SPEF2: variants seen among roughly 807,000 people sequenced by gnomAD.
SPEF2 encodes the protein sperm flagella and cilia-associated protein 2.
Under a neutral mutation model 224.6 loss-of-function variants are expected in SPEF2, and 187 were observed. That is an observed-to-expected ratio of 0.83 (90% confidence interval 0.74 to 0.94). The LOEUF is 0.94. Among genes scored for constraint, SPEF2 ranks in the 40% least tolerant of loss-of-function variants. The pLI, the probability that SPEF2 is intolerant of heterozygous loss-of-function variation, is 0.00. For missense variants in SPEF2, 2,170 were observed against 2,135.6 expected, an observed-to-expected ratio of 1.02 and a Z score of -0.32; for synonymous variants, 715 against 707.3, an observed-to-expected ratio of 1.01 and a Z score of -0.17.
At chr5:35,789,404 T>C in intron 30 of SPEF2, 1 of 701,306 alleles carries the variant, frequency 1.4e-6, no homozygotes. Flanking sequence ...CTGAGGTCTG[T>C]CAAACTAGAC....
chr5:35,750,999 A>ATATATATATACGTATATATATACG (rs1561304443), intron 23 of SPEF2, among the ~76,000 whole-genome samples: 1 of 43,926 alleles, frequency 2.3e-5, no homozygotes, highest in Admixed American at 2.7e-4. Context: ...ATATATATGT[A>ATATATATATACGTATATATATACG]TATATATATA....
intron 19 of SPEF2, chr5:35,710,895 G>A (rs1740978410): frequency 6.1e-6 from 6 of 984,780 alleles, no homozygotes; most frequent in Non-Finnish European, 7.2e-6. Context: ...GTCAAGGCTA[G>A]TGCCTGATAT....
chr5:35,620,171 C>G (rs997404805), intron 1 of SPEF2, among the ~76,000 whole-genome samples: 3 of 152,194 alleles, frequency 2.0e-5, no homozygotes, highest in Non-Finnish European at 2.9e-5. Flanking sequence ...TTTGTGCACT[C>G]AAGGAAGCAC....
intron 18 of SPEF2, among the ~76,000 whole-genome samples, chr5:35,707,561 A>G (rs927470832): frequency 2.6e-5 from 4 of 152,222 alleles, no homozygotes; most frequent in African/African-American, 9.7e-5. Context: ...GCAAGAACAT[A>G]GGCAATCGTC....
At chr5:35,690,950 TG>T in intron 10 of SPEF2, 86 bp from the exon 11 acceptor site, 1 of 1,030,664 alleles carries the variant, frequency 9.7e-7, no homozygotes, top group Non-Finnish European at 1.4e-6. Flanking sequence ...GGCTATAATT[TG>T]GATTTACTTT....
intron 29 of SPEF2, among the ~76,000 whole-genome samples, chr5:35,778,903 A>C (rs73086300): frequency 8.8e-4 from 134 of 152,316 alleles, no homozygotes; most frequent in African/African-American, 3.2e-3. Flanking sequence ...GTAGCTGTTT[A>C]ATAAGCATGC....
chr5:35,648,753 T>C (rs745747935), intron 5 of SPEF2, among the ~76,000 whole-genome samples: 1 of 152,186 alleles, frequency 6.6e-6, no homozygotes, highest in Non-Finnish European at 1.5e-5. Flanking sequence ...CAACCATTTT[T>C]AAAGAAATAT....
At chr5:35,627,890 G>T (rs1455803226) in intron 1 of SPEF2, among the ~76,000 whole-genome samples, 1 of 152,128 alleles carries the variant, frequency 6.6e-6, no homozygotes, top group Non-Finnish European at 1.5e-5. Context: ...CTATCTCTCA[G>T]TAATTGCATA....
At chr5:35,807,089 G>A (rs1307752539) in intron 35 of SPEF2, 42 bp from the exon 36 acceptor site, 1 of 1,592,316 alleles carries the variant, frequency 6.3e-7, no homozygotes, top group Admixed American at 1.9e-5. Flanking sequence ...ACATCTACTG[G>A]ATTGTGAGGT....
At chr5:35,691,946 C>T (rs924520501) in intron 11 of SPEF2, among the ~76,000 whole-genome samples, 10 of 151,760 alleles carry the variant, frequency 6.6e-5, no homozygotes, top group Non-Finnish European at 1.2e-4. Flanking sequence ...ACTACAGGTG[C>T]GCACCACTAC....
chr5:35,788,799 T>G (rs1359368858), intron 30 of SPEF2: 2 of 702,870 alleles, frequency 2.8e-6, no homozygotes, highest in African/African-American at 1.7e-5. Flanking sequence ...TACAAAGCGG[T>G]GTTCCAGAAC....
At chr5:35,793,901 G>A (rs1444088241) in intron 32 of SPEF2, among the ~76,000 whole-genome samples, 1 of 152,150 alleles carries the variant, frequency 6.6e-6, no homozygotes, top group Non-Finnish European at 1.5e-5. Context: ...CCATACAGAA[G>A]GGATCATGAG....
At chr5:35,777,489 A>G (rs1753757758) in intron 29 of SPEF2, among the ~76,000 whole-genome samples, 1 of 152,000 alleles carries the variant, frequency 6.6e-6, no homozygotes, top group Admixed American at 6.6e-5. Flanking sequence ...ATGAAAGTCT[A>G]TCTTCTTCAT....
At chr5:35,623,803 A>G (rs1327360459) in intron 1 of SPEF2, among the ~76,000 whole-genome samples, 2 of 152,266 alleles carry the variant, frequency 1.3e-5, no homozygotes, top group Non-Finnish European at 2.9e-5. Context: ...TGTAATTAAT[A>G]TGACCTGTTT....
rs115744675 is a variant in SPEF2, at chr5:35,638,369, C to A, written c.162-3062C>A. Among the ~76,000 whole-genome samples the A allele has an allele frequency of 5.4e-3, 819 of 152,108 alleles. 9 individuals are homozygous for A. The highest frequency in any genetic ancestry group is 0.019 in the African/African-American group (776 of 41,482). On this transcript the variant is annotated intron_variant, in intron 2 of 36. Transcript: ENST00000356031. ...TTATAAGGTGCTTCTCGGTGTGACC[C>A]TCATTTACCTTTCCAGCCACATTTC...
At chr5:35,793,461 T>G in intron 32 of SPEF2, 120 bp downstream of exon 32, 1 of 972,164 alleles carries the variant, frequency 1.0e-6, no homozygotes, top group Non-Finnish European at 1.4e-6. Context: ...CAGCTCCCCA[T>G]GTCTAGGCAC....
chr5:35,630,396 T>C (rs1744916355), intron 2 of SPEF2, among the ~76,000 whole-genome samples: 1 of 152,162 alleles, frequency 6.6e-6, no homozygotes, highest in Non-Finnish European at 1.5e-5. Flanking sequence ...GCAGCAAACT[T>C]CTTGAATGCT....
intron 18 of SPEF2, among the ~76,000 whole-genome samples, chr5:35,708,035 A>G (rs1740166951): frequency 6.6e-6 from 1 of 152,110 alleles, no homozygotes; most frequent in Admixed American, 6.6e-5. Context: ...TCATAAGGCC[A>G]TTGATTTTTC....
At chr5:35,744,228 T>C (rs1267404055) in intron 23 of SPEF2, among the ~76,000 whole-genome samples, 1 of 152,214 alleles carries the variant, frequency 6.6e-6, no homozygotes, top group African/African-American at 2.4e-5. Flanking sequence ...TTTGTAAGAA[T>C]AGACATTTAT....
Sources: allele counts gnomAD v4.1 joint callset (sites outside exome capture counted in the v4.1 genomes callset), GRCh38; gene constraint gnomAD v4.1.1; transcripts MANE v1.5; gene names NCBI Gene and HGNC (gene_info 2026-07-23, HGNC 2026-07-21).